RORB: variants seen among roughly 807,000 people sequenced by gnomAD.
RORB encodes the protein RAR related orphan receptor B.
A neutral mutation model predicts 59.1 loss-of-function variants in RORB; 6 were observed. The ratio of observed to expected loss-of-function variants is 0.10; its 90% CI spans 0.06 to 0.20. The LOEUF (loss-of-function observed/expected upper bound fraction) is 0.20, where lower values mean the gene tolerates loss of function less well. RORB is among the 10% of genes least tolerant of loss of function. RORB has a pLI of 1.00. For synonymous variants in RORB, 215 were observed against 204.5 expected, an observed-to-expected ratio of 1.05 and a Z score of -0.44; for missense variants, 320 against 560.5, an observed-to-expected ratio of 0.57 and a Z score of 4.33.
chr9:74,537,996 T>C (rs1412458441), intron 1 of RORB, among the ~76,000 whole-genome samples: 1 of 152,146 alleles, frequency 6.6e-6, no homozygotes, highest in Non-Finnish European at 1.5e-5. Context: ...GCTCCACTAA[T>C]GGTAAGTTTC....
chr9:74,648,458 T>C (rs557203191), intron 4 of RORB, among the ~76,000 whole-genome samples: 1 of 152,300 alleles, frequency 6.6e-6, no homozygotes, highest in African/African-American at 2.4e-5. Context: ...TCATGTGCAT[T>C]AATATTCCCC....
rs1307544601 is a variant in RORB at position 74,679,741 on chromosome 9, T to G, written c.1225-5722T>G. Among the ~76,000 whole-genome samples the G allele has an allele frequency of 2.0e-5, 3 of 152,162 alleles. No individual in the cohort carries two copies. The South Asian group carries it at 6.2e-4, about 32-fold the overall frequency. Reference sequence around the variant, plus strand: ...AAACATCCAGAAATTCCAAGAGTTGTCCATCAGATTAATGGTCTGTAAATT... The same window carrying G: ...AAACATCCAGAAATTCCAAGAGTTGGCCATCAGATTAATGGTCTGTAAATT... On this transcript the variant is annotated intron_variant, in intron 9 of 9. Transcript: ENST00000376896.
intron 1 of RORB, among the ~76,000 whole-genome samples, chr9:74,519,159 TGAAA>T (rs2118063441): frequency 6.6e-6 from 1 of 152,046 alleles, no homozygotes; most frequent in African/African-American, 2.4e-5. Context: ...CCTGAAAACT[TGAAA>T]GATAGTTCCA....
chr9:74,674,379 G>A (rs369187774), intron 9 of RORB, among the ~76,000 whole-genome samples: 2 of 152,158 alleles, frequency 1.3e-5, no homozygotes, highest in South Asian at 4.1e-4. Context: ...TACCCGAAAT[G>A]TTGTGTTGAA....
At chr9:74,505,758 G>A (rs937058435) in intron 1 of RORB, among the ~76,000 whole-genome samples, 17 of 152,072 alleles carry the variant, frequency 1.1e-4, no homozygotes, top group Admixed American at 2.6e-4. Context: ...TATAGTTGGT[G>A]TTATGTGAAA....
intron 4 of RORB, among the ~76,000 whole-genome samples, chr9:74,658,025 A>AAAAG: frequency 6.7e-6 from 1 of 149,774 alleles, no homozygotes; most frequent in Non-Finnish European, 1.5e-5. Flanking sequence ...AAAAAAAAAA[A>AAAAG]AAAGAAAAGA....
chr9:74,609,289 G>C (rs551319680), intron 1 of RORB, among the ~76,000 whole-genome samples: 1 of 152,206 alleles, frequency 6.6e-6, no homozygotes, highest in Non-Finnish European at 1.5e-5. Flanking sequence ...AGCTAGAGAA[G>C]TGTAGAAACA....
At chr9:74,528,011 A>G (rs2118088840) in intron 1 of RORB, among the ~76,000 whole-genome samples, 1 of 152,170 alleles carries the variant, frequency 6.6e-6, no homozygotes, top group East Asian at 1.9e-4. Flanking sequence ...GACGATCAAC[A>G]GATGACCATA....
At chr9:74,559,069 A>C (rs537448476) in intron 1 of RORB, among the ~76,000 whole-genome samples, 1 of 152,276 alleles carries the variant, frequency 6.6e-6, no homozygotes, top group African/African-American at 2.4e-5. Flanking sequence ...CCACTTTAAA[A>C]TGTTGTATTT....
intron 1 of RORB, among the ~76,000 whole-genome samples, chr9:74,549,576 G>A (rs1826565660): frequency 1.2e-5 from 1 of 83,030 alleles, no homozygotes; most frequent in Non-Finnish European, 2.9e-5. Context: ...AAGGAAGGAA[G>A]GAAGGAAGGA....
chr9:74,646,136 A>C (rs1040802609), intron 4 of RORB, among the ~76,000 whole-genome samples: 3 of 152,156 alleles, frequency 2.0e-5, no homozygotes, highest in African/African-American at 4.8e-5. Context: ...CACCAAAAAA[A>C]AAAAAAATTT....
chr9:74,534,673 C>T (rs1826294802), intron 1 of RORB, among the ~76,000 whole-genome samples: 1 of 151,954 alleles, frequency 6.6e-6, no homozygotes, highest in Non-Finnish European at 1.5e-5. Flanking sequence ...CCCAGTGCCA[C>T]CATATATAAA....
At chr9:74,579,459 A>T (rs1416342083) in intron 1 of RORB, among the ~76,000 whole-genome samples, 2 of 152,076 alleles carry the variant, frequency 1.3e-5, no homozygotes, top group African/African-American at 4.8e-5. Context: ...CTCCTGGACA[A>T]CAGAATTAAA....
At chr9:74,504,366 A>G (rs1825840325) in intron 1 of RORB, among the ~76,000 whole-genome samples, 1 of 152,094 alleles carries the variant, frequency 6.6e-6, no homozygotes, top group Non-Finnish European at 1.5e-5. Flanking sequence ...TAATTAAATG[A>G]TACATTTTGT....
intron 4 of RORB, among the ~76,000 whole-genome samples, chr9:74,660,334 A>G (rs1824159232): frequency 6.6e-6 from 1 of 152,186 alleles, no homozygotes; most frequent in Non-Finnish European, 1.5e-5. Flanking sequence ...ATAATTTTAT[A>G]TCTTTTTTAT....
intron 1 of RORB, 120 bp downstream of exon 1, chr9:74,498,103 C>G (rs1225988396): frequency 1.2e-5 from 14 of 1,141,722 alleles, no homozygotes; most frequent in South Asian, 2.7e-5. Flanking sequence ...CGCAGTTCCC[C>G]GAATTCGCTC....
At chr9:74,521,251 T>A (rs1826082123) in intron 1 of RORB, among the ~76,000 whole-genome samples, 7 of 151,852 alleles carry the variant, frequency 4.6e-5, no homozygotes, top group Admixed American at 4.6e-4. Flanking sequence ...AACAGTATCA[T>A]CCAGAAAAAT....
chr9:74,684,952 T>C (rs1824615296), intron 9 of RORB, among the ~76,000 whole-genome samples: 1 of 152,208 alleles, frequency 6.6e-6, no homozygotes, highest in Non-Finnish European at 1.5e-5. Flanking sequence ...TTATGGGTAA[T>C]AACAGTGTTC....
intron 1 of RORB, among the ~76,000 whole-genome samples, chr9:74,507,736 G>A (rs1825888364): frequency 6.6e-6 from 1 of 151,934 alleles, no homozygotes; most frequent in Non-Finnish European, 1.5e-5. Flanking sequence ...TCATTGCCAG[G>A]ACAAATAATA....
Sources: allele counts gnomAD v4.1 joint callset (sites outside exome capture counted in the v4.1 genomes callset), GRCh38; gene constraint gnomAD v4.1.1; transcripts MANE v1.5; gene names NCBI Gene and HGNC (gene_info 2026-07-23, HGNC 2026-07-21).